NKAIN3: variants seen among roughly 807,000 people sequenced by gnomAD.
NKAIN3 encodes the protein sodium/potassium-transporting ATPase subunit beta-1-interacting protein 3.
A neutral mutation model predicts 30.2 loss-of-function variants in NKAIN3; 25 were observed. That is an observed-to-expected ratio of 0.83 (90% confidence interval 0.60 to 1.16). The LOEUF (loss-of-function observed/expected upper bound fraction) is 1.16, where lower values mean the gene tolerates loss of function less well. NKAIN3 is among the 50% of genes most tolerant of loss of function. The pLI, the probability that NKAIN3 is intolerant of heterozygous loss-of-function variation, is 0.00. For missense variants in NKAIN3, 225 were observed against 254.1 expected (o/e 0.89, Z 0.78); for synonymous variants, 91 against 89.6 (o/e 1.02, Z -0.09).
intron 1 of NKAIN3, among the ~76,000 whole-genome samples, chr8:62,386,287 T>C (rs1006595881): frequency 6.6e-6 from 1 of 152,194 alleles, no homozygotes; most frequent in Non-Finnish European, 1.5e-5. Flanking sequence ...GTAGTTATAA[T>C]AACACTCACC....
intron 1 of NKAIN3, among the ~76,000 whole-genome samples, chr8:62,571,105 T>A (rs1307155489): frequency 6.6e-6 from 1 of 151,824 alleles, no homozygotes; most frequent in Non-Finnish European, 1.5e-5. Flanking sequence ...TCCTAGGCCA[T>A]TTCAAATAAG....
intron 3 of NKAIN3, among the ~76,000 whole-genome samples, chr8:62,679,198 G>A (rs1423665156): frequency 6.6e-6 from 1 of 152,204 alleles, no homozygotes; most frequent in Non-Finnish European, 1.5e-5. Context: ...CAAAATGGCA[G>A]AAGAGTAGAT....
chr8:62,314,466 G>A (rs544010930), intron 1 of NKAIN3, among the ~76,000 whole-genome samples: 3 of 152,214 alleles, frequency 2.0e-5, no homozygotes, highest in South Asian at 2.1e-4. Flanking sequence ...CGATGAAACC[G>A]GACTTACTTC....
At chr8:62,563,944 G>T (rs569945674) in intron 1 of NKAIN3, among the ~76,000 whole-genome samples, 12 of 152,220 alleles carry the variant, frequency 7.9e-5, no homozygotes, top group Non-Finnish European at 8.8e-5. Flanking sequence ...TCACTTAAGT[G>T]CACAACCGTC....
chr8:62,336,985 A>T (rs1040583329), intron 1 of NKAIN3, among the ~76,000 whole-genome samples: 7 of 152,094 alleles, frequency 4.6e-5, no homozygotes, highest in African/African-American at 1.7e-4. Flanking sequence ...AAGAAGGCTA[A>T]CACATTTCAT....
At position 62,977,591 on chromosome 8, in the gene NKAIN3, A is replaced by T. The variant is rs1437220801; in HGVS notation, c.*12184A>T. 6.6e-6 allele frequency among the ~76,000 whole-genome samples: 1 copy of T among 151,794 alleles called. No individual in the cohort carries two copies. Among genetic ancestry groups the T allele is most frequent in the Non-Finnish European group, 1.5e-5 (1 of 68,000 alleles). On this transcript the variant is annotated 3_prime_UTR_variant, in exon 7 of 7. Coordinates refer to ENST00000623646, the MANE Select transcript of NKAIN3 (RefSeq NM_001304533.3). ...AAACTGGTTATTCTCTAAACTGGTT[A>T]TTCTAGTTAGCAATTCCTCTAACCT...
intron 1 of NKAIN3, among the ~76,000 whole-genome samples, chr8:62,491,675 G>A (rs751517416): frequency 2.0e-5 from 3 of 152,144 alleles, no homozygotes; most frequent in Non-Finnish European, 4.4e-5. Context: ...CTGTGGGAGG[G>A]TGAAGATGAT....
At chr8:62,716,543 G>A (rs1350771160) in intron 3 of NKAIN3, among the ~76,000 whole-genome samples, 1 of 152,094 alleles carries the variant, frequency 6.6e-6, no homozygotes, top group East Asian at 1.9e-4. Flanking sequence ...ACACATATTA[G>A]CGAGAACATT....
rs117210662 is a variant in NKAIN3, at chr8:62,405,998, C to T, written c.54+156871C>T. Among the ~76,000 whole-genome samples the T allele has an allele frequency of 7.2e-5, 11 of 152,262 alleles. No individual in the cohort carries two copies. The East Asian group carries it at 1.9e-3, about 27-fold the overall frequency. On this transcript the variant is annotated intron_variant, in intron 1 of 6. Coordinates refer to ENST00000623646, the MANE Select transcript of NKAIN3 (RefSeq NM_001304533.3). ...ATCCAATTATTTGAAATTTATGAGT[C>T]TCCTTTCTCCAATAAGAATATAAGT...
At chr8:62,683,212 T>A (rs1813696238) in intron 3 of NKAIN3, among the ~76,000 whole-genome samples, 1 of 152,116 alleles carries the variant, frequency 6.6e-6, no homozygotes, top group Admixed American at 6.6e-5. Flanking sequence ...TTTGTTGTAT[T>A]TTTAGTAGAA....
chr8:62,867,113 A>G (rs1820450642), intron 4 of NKAIN3, among the ~76,000 whole-genome samples: 1 of 151,662 alleles, frequency 6.6e-6, no homozygotes, highest in South Asian at 2.1e-4. Flanking sequence ...AAAAAAAAAA[A>G]AAGAAAAGGG....
chr8:62,893,313 A>G (rs1323665913), intron 4 of NKAIN3, among the ~76,000 whole-genome samples: 1 of 152,202 alleles, frequency 6.6e-6, no homozygotes, highest in Non-Finnish European at 1.5e-5. Flanking sequence ...TGTTTCAAGG[A>G]GTAGCAGCCA....
At chr8:62,365,052 C>T (rs143321373) in intron 1 of NKAIN3, among the ~76,000 whole-genome samples, 65 of 152,016 alleles carry the variant, frequency 4.3e-4, no homozygotes, top group Middle Eastern at 3.4e-3. Flanking sequence ...AAAGATATTA[C>T]GGGGTGAAGA....
chr8:62,266,526 G>C (rs1394839519), intron 1 of NKAIN3, among the ~76,000 whole-genome samples: 1 of 152,158 alleles, frequency 6.6e-6, no homozygotes, highest in Non-Finnish European at 1.5e-5. Context: ...GCATGAGTTA[G>C]TTTTACATAC....
intron 5 of NKAIN3, among the ~76,000 whole-genome samples, chr8:62,950,320 T>C (rs905652535): frequency 6.6e-6 from 1 of 152,184 alleles, no homozygotes; most frequent in Non-Finnish European, 1.5e-5. Context: ...AAGGTATTGA[T>C]GCATGCATGA....
intron 4 of NKAIN3, among the ~76,000 whole-genome samples, chr8:62,804,243 A>C (rs1406053474): frequency 2.0e-5 from 3 of 152,180 alleles, no homozygotes; most frequent in African/African-American, 7.2e-5. Flanking sequence ...AAAAGAGGGA[A>C]TCCTCCCTAA....
At chr8:62,962,037 C>G (rs1055129112) in intron 6 of NKAIN3, among the ~76,000 whole-genome samples, 1 of 152,128 alleles carries the variant, frequency 6.6e-6, no homozygotes, top group Non-Finnish European at 1.5e-5. Flanking sequence ...CAGTTCTCAA[C>G]GATAGGAATC....
Position 62,765,091 on chromosome 8 carries a change from A to G in NKAIN3, c.471+17962A>G, listed in dbSNP as rs573924914. Among the ~76,000 whole-genome samples the G allele has an allele frequency of 3.9e-5, 6 of 151,942 alleles. No individual in the cohort carries two copies. The East Asian group carries it at 9.7e-4, about 25-fold the overall frequency. On this transcript the variant is annotated intron_variant, in intron 4 of 6. Coordinates refer to ENST00000623646, the MANE Select transcript of NKAIN3 (RefSeq NM_001304533.3). ...AACCTCGTCTGTACTAAAGATACCA[A>G]ACAAAATTAGCTGTATGTGGTGGTG... is the stretch of plus-strand genomic sequence containing the variant.
At chr8:62,504,915 C>T (rs970911567) in intron 1 of NKAIN3, among the ~76,000 whole-genome samples, 3 of 152,170 alleles carry the variant, frequency 2.0e-5, no homozygotes, top group African/African-American at 7.2e-5. Context: ...GTTTTGAATG[C>T]TCTTCTTCCC....
Sources: gnomAD v4.1 joint callset for allele counts (sites outside exome capture counted in the v4.1 genomes callset) on GRCh38, gnomAD v4.1.1 for gene constraint, MANE v1.5 for transcripts, NCBI Gene and HGNC (gene_info 2026-07-23, HGNC 2026-07-21) for gene names.